The following TFB1M variants were observed in gnomAD, a reference collection of about 807,000 sequenced individuals.
The protein encoded by TFB1M is transcription factor B1, mitochondrial.
In TFB1M, 27 loss-of-function variants were observed where a neutral mutation model predicts 31.1. That is an observed-to-expected ratio of 0.87 (90% CI 0.64 to 1.20). The LOEUF (loss-of-function observed/expected upper bound fraction) is 1.20. Among genes scored for constraint, TFB1M ranks in the 50% most tolerant of loss-of-function variants. The probability of loss-of-function intolerance (pLI) is 0.00; values close to 1 mark genes in which losing one functional copy is unlikely to be tolerated. For synonymous variants in TFB1M, 166 were observed against 151.8 expected, an observed-to-expected ratio of 1.09 and a Z score of -0.69; for missense variants, 394 against 418.7, an observed-to-expected ratio of 0.94 and a Z score of 0.51.
chr6:155,277,962 A>T (rs1785298259), intron 5 of TFB1M, among the ~76,000 whole-genome samples: 1 of 152,156 alleles, frequency 6.6e-6, no homozygotes. Flanking sequence ...ATATCATTCT[A>T]TATATACTTC....
chr6:155,302,700 T>G (rs1316464768), intron 2 of TFB1M, among the ~76,000 whole-genome samples: 2 of 152,238 alleles, frequency 1.3e-5, no homozygotes, highest in Non-Finnish European at 2.9e-5. Flanking sequence ...ATTTTAAGTT[T>G]GTTGGATATT....
intron 4 of TFB1M, among the ~76,000 whole-genome samples, chr6:155,293,963 G>A (rs1008667939): frequency 6.6e-6 from 1 of 152,046 alleles, no homozygotes; most frequent in Admixed American, 6.6e-5. Context: ...TCTTCCTGAG[G>A]ACTCCTTTCT....
chr6:155,283,123 A>G (rs182605903), intron 5 of TFB1M, among the ~76,000 whole-genome samples: 12 of 152,346 alleles, frequency 7.9e-5, no homozygotes, highest in Admixed American at 7.2e-4. Context: ...CTAATATGGT[A>G]AAACTACTTC....
intron 3 of TFB1M, among the ~76,000 whole-genome samples, 190 bp from the exon 4 acceptor site, chr6:155,297,294 A>C (rs1308537815): frequency 6.6e-6 from 1 of 152,182 alleles, no homozygotes; most frequent in Non-Finnish European, 1.5e-5. Context: ...TGGATTATTG[A>C]GGAAAAAATT....
At chr6:155,251,786 G>A (rs966517075), downstream of TFB1M, among the ~76,000 whole-genome samples, 3 of 152,204 alleles carry the variant, frequency 2.0e-5, no homozygotes, top group African/African-American at 4.8e-5. Context: ...TCAAATATGA[G>A]CGAAAGGGAA....
intron 5 of TFB1M, among the ~76,000 whole-genome samples, chr6:155,268,946 TAA>T (rs1204779447): frequency 4.3e-5 from 2 of 46,432 alleles, no homozygotes; most frequent in Admixed American, 2.2e-4. Context: ...AATGATCAAT[TAA>T]AAAAAAAAAA....
At chr6:155,264,502 AC>A (rs1408776219) in intron 5 of TFB1M, among the ~76,000 whole-genome samples, 1 of 152,220 alleles carries the variant, frequency 6.6e-6, no homozygotes, top group East Asian at 1.9e-4. Flanking sequence ...AGTATTTCAA[AC>A]CAACTGGTTC....
intron 5 of TFB1M, among the ~76,000 whole-genome samples, chr6:155,277,164 T>G (rs1361003266): frequency 6.6e-6 from 1 of 152,204 alleles, no homozygotes; most frequent in Non-Finnish European, 1.5e-5. Context: ...TCTCCACAGA[T>G]TAAGTTCATT....
At chr6:155,250,027 G>T in the TFB1M span, 2 of 1,338,666 alleles carry the variant, frequency 1.5e-6, no homozygotes, top group South Asian at 2.6e-5. Flanking sequence ...GTCTGTAGGT[G>T]ACCTTCTAGA....
chr6:155,310,243 G>T (rs933036507), intron 2 of TFB1M, among the ~76,000 whole-genome samples: 1 of 152,060 alleles, frequency 6.6e-6, no homozygotes, highest in Non-Finnish European at 1.5e-5. Flanking sequence ...ATGATAAATT[G>T]CTTCTCATCT....
At chr6:155,286,747 C>T (rs1415334687) in intron 4 of TFB1M, among the ~76,000 whole-genome samples, 1 of 150,882 alleles carries the variant, frequency 6.6e-6, no homozygotes, top group East Asian at 1.9e-4. Context: ...GAAGCCAAAA[C>T]AGGTGGACTG....
At position 155,285,285 on chromosome 6, in the gene TFB1M, G is replaced by C. The variant is rs373679288; in HGVS notation, c.547-8C>G. 36 of 1,613,598 alleles carry C rather than the reference G, an allele frequency of 2.2e-5. No individual in the cohort carries two copies. The African/African-American group carries it at 4.0e-4, about 18-fold the overall frequency. On this transcript the variant is annotated splice_region_variant and splice_polypyrimidine_tract_variant and intron_variant, in intron 4 of 6. Transcript: ENST00000367166. ...TGTATTGGCTGCAAGTCTCTAGAGA[G>C]AGACAAAAATGAATTTTAGCAAATA... is the stretch of plus-strand genomic sequence containing the variant.
At chr6:155,275,586 C>A in intron 5 of TFB1M, 2 of 855,158 alleles carry the variant, frequency 2.3e-6, no homozygotes, top group African/African-American at 1.7e-5. Flanking sequence ...CTTTCTTTCG[C>A]TCAATCCTGG....
chr6:155,254,706 AC>A, downstream of TFB1M: 12 of 1,159,814 alleles, frequency 1.0e-5, no homozygotes, highest in Non-Finnish European at 1.4e-5. Flanking sequence ...CTTTTAAGAA[AC>A]CTAAACATGC....
chr6:155,271,580 A>G (rs1784917899), intron 5 of TFB1M, among the ~76,000 whole-genome samples: 1 of 152,174 alleles, frequency 6.6e-6, no homozygotes, highest in Non-Finnish European at 1.5e-5. Flanking sequence ...TTTCTTCTGA[A>G]TGATTATTTT....
At chr6:155,282,467 C>A (rs1447696620) in intron 5 of TFB1M, among the ~76,000 whole-genome samples, 1 of 152,180 alleles carries the variant, frequency 6.6e-6, no homozygotes, top group Non-Finnish European at 1.5e-5. Flanking sequence ...AAAAGAAATT[C>A]TCTATATCTG....
chr6:155,295,329 G>A (rs1583362566), intron 4 of TFB1M, among the ~76,000 whole-genome samples: 2 of 151,714 alleles, frequency 1.3e-5, no homozygotes, highest in South Asian at 4.2e-4. Context: ...TCGTGCCACT[G>A]CACTCCAGCC....
the TFB1M span, among the ~76,000 whole-genome samples, chr6:155,238,408 A>T: frequency 6.6e-6 from 1 of 152,172 alleles, no homozygotes; most frequent in African/African-American, 2.4e-5. Flanking sequence ...TCTGCCTGTT[A>T]CCCAGCTCTG....
At chr6:155,280,275 C>G (rs952769117) in intron 5 of TFB1M, among the ~76,000 whole-genome samples, 8 of 152,254 alleles carry the variant, frequency 5.3e-5, no homozygotes, top group Admixed American at 2.6e-4. Flanking sequence ...AGGGCAGCCA[C>G]CCCCAGCTGC....
Sources: gnomAD v4.1 joint callset for allele counts (sites outside exome capture counted in the v4.1 genomes callset) on GRCh38, gnomAD v4.1.1 for gene constraint, MANE v1.5 for transcripts, NCBI Gene and HGNC (gene_info 2026-07-23, HGNC 2026-07-21) for gene names.